Variants in AQP9 observed in about 807,000 individuals in gnomAD.
The protein encoded by AQP9 is aquaporin-9.
A neutral mutation model predicts 23.8 loss-of-function variants in AQP9; 19 were observed. The ratio of observed to expected loss-of-function variants is 0.80; its 90% confidence interval spans 0.56 to 1.17. The LOEUF (loss-of-function observed/expected upper bound fraction) is 1.17. Ranked by LOEUF, AQP9 falls within the 50% of genes most tolerant of loss-of-function variation. AQP9 has a pLI of 0.00. For missense variants in AQP9, 413 were observed against 362.0 expected (o/e 1.14, Z -1.14); for synonymous variants, 153 against 131.5 (o/e 1.16, Z -1.12).
intron 1 of AQP9, among the ~76,000 whole-genome samples, chr15:58,163,451 G>A (rs1898427358): frequency 6.6e-6 from 1 of 152,054 alleles, no homozygotes; most frequent in Admixed American, 6.6e-5. Flanking sequence ...CATCCACAAT[G>A]TTAATATGGA....
chr15:58,157,148 A>G (rs1898280946), intron 1 of AQP9, among the ~76,000 whole-genome samples: 1 of 152,198 alleles, frequency 6.6e-6, no homozygotes, highest in Non-Finnish European at 1.5e-5. Context: ...ATGACAAAAT[A>G]TCTACTTGAG....
intron 4 of AQP9, among the ~76,000 whole-genome samples, chr15:58,176,797 G>C (rs900773072): frequency 1.3e-5 from 2 of 151,926 alleles, no homozygotes. Flanking sequence ...TTTTAGTAGA[G>C]ACGGGGTTTC....
At position 58,179,119 on chromosome 15, in the gene AQP9, C is replaced by T. The variant is rs746173913; in HGVS notation, c.496-9C>T. On this transcript the variant is annotated splice_polypyrimidine_tract_variant and intron_variant, in intron 4 of 5. Coordinates refer to ENST00000219919, the MANE Select transcript of AQP9 (RefSeq NM_020980.5). Reference sequence around the variant, plus strand: ...GGCTAAAGCCCTGGCTCAACTTCTCCCTCTCCAGGTGGTGGCCACCATGAT... The same window carrying T: ...GGCTAAAGCCCTGGCTCAACTTCTCTCTCTCCAGGTGGTGGCCACCATGAT... The T allele has an allele frequency of 6.3e-7, 1 of 1,592,948 alleles. No homozygotes were observed. The highest frequency in any genetic ancestry group is 1.7e-5 in the Admixed American group (1 of 59,946).
At chr15:58,154,737 G>A (rs892680357) in intron 1 of AQP9, among the ~76,000 whole-genome samples, 6 of 151,786 alleles carry the variant, frequency 4.0e-5, no homozygotes, top group African/African-American at 1.2e-4. Context: ...TTAACCCCAC[G>A]AAAGTCCCAC....
chr15:58,177,659 A>G (rs1190252777), intron 4 of AQP9, among the ~76,000 whole-genome samples: 1 of 152,198 alleles, frequency 6.6e-6, no homozygotes, highest in Non-Finnish European at 1.5e-5. Flanking sequence ...GAGTTTTCTT[A>G]TCTATAAACT....
intron 2 of AQP9, among the ~76,000 whole-genome samples, chr15:58,168,149 C>T (rs1008447612): frequency 3.3e-5 from 5 of 152,064 alleles, no homozygotes; most frequent in African/African-American, 1.2e-4. Context: ...CCACCTCAGC[C>T]TTCCAAGTAG....
intron 3 of AQP9, among the ~76,000 whole-genome samples, chr15:58,173,931 A>G (rs1271477955): frequency 6.6e-6 from 1 of 152,132 alleles, no homozygotes; most frequent in Non-Finnish European, 1.5e-5. Flanking sequence ...ATACATTATG[A>G]CTTACCCAAA....
Position 58,143,368 on chromosome 15 carries a change from T to G in AQP9, c.111+4692T>G, listed in dbSNP as rs899537873. Among the ~76,000 whole-genome samples the G allele has an allele frequency of 6.6e-5, 10 of 152,182 alleles. 1 individual carries two copies. The South Asian group carries it at 2.1e-3, about 31-fold the overall frequency. On this transcript the variant is annotated intron_variant, in intron 1 of 5. Transcript: ENST00000219919. ...GGGCAAAGGAGGTTAACACTAAGCA[T>G]ACTCTATACCCCAGACACTTTGATC...
chr15:58,173,374 G>A (rs186191398), intron 3 of AQP9, among the ~76,000 whole-genome samples, 169 bp downstream of exon 3: 5 of 152,274 alleles, frequency 3.3e-5, no homozygotes, highest in Admixed American at 2.6e-4. Flanking sequence ...CAGCAAATTC[G>A]TGAATCCTGT....
chr15:58,164,471 A>G (rs1898455236), intron 1 of AQP9, among the ~76,000 whole-genome samples: 1 of 152,224 alleles, frequency 6.6e-6, no homozygotes, highest in Non-Finnish European at 1.5e-5. Context: ...TTGGATTTAC[A>G]TTAAAATGAA....
chr15:58,159,649 C>A (rs183032499), intron 1 of AQP9, among the ~76,000 whole-genome samples: 20 of 152,226 alleles, frequency 1.3e-4, no homozygotes, highest in African/African-American at 4.8e-4. Flanking sequence ...ATTAATCAAC[C>A]TTTCTTCTTT....
At chr15:58,144,561 A>G (rs1176795632) in intron 1 of AQP9, among the ~76,000 whole-genome samples, 1 of 152,112 alleles carries the variant, frequency 6.6e-6, no homozygotes, top group Non-Finnish European at 1.5e-5. Flanking sequence ...TACTTTTATT[A>G]CCAAGGTTAT....
intron 1 of AQP9, among the ~76,000 whole-genome samples, chr15:58,157,093 T>G (rs1898279264): frequency 6.6e-6 from 1 of 152,198 alleles, no homozygotes; most frequent in Non-Finnish European, 1.5e-5. Context: ...CCACAGATGC[T>G]CTTTTAATGC....
chr15:58,185,212 C>T lies in AQP9; in HGVS notation c.*1077C>T, dbSNP rs1469116077. On this transcript the variant is annotated 3_prime_UTR_variant, in exon 6 of 6. Transcript: ENST00000219919. ...CATTTTTCAGATAAAGAAACAAAATCTTAGGGAAGATAAGTTGAGTTGTCC... is the reference window on the plus strand; with the variant it reads ...CATTTTTCAGATAAAGAAACAAAATTTTAGGGAAGATAAGTTGAGTTGTCC... 2 of 152,670 alleles carry T rather than the reference C, an allele frequency of 1.3e-5. No homozygotes were observed. The highest frequency in any genetic ancestry group is 2.9e-5 in the Non-Finnish European group (2 of 68,016). The allele number at this position is 152,670 out of a possible 1,614,324, so 9.5% of individuals were successfully genotyped here. A position where few individuals can be genotyped will look rare whatever the true frequency, so the allele number is the denominator to read the frequency against.
intron 1 of AQP9, chr15:58,146,763 C>T (rs1247952224): frequency 6.6e-6 from 1 of 152,244 alleles, no homozygotes; most frequent in Non-Finnish European, 1.5e-5. Context: ...CCAGGTATAC[C>T]GCCAGCCAGA....
Position 58,138,711 on chromosome 15 carries a change from A to G in AQP9, c.111+35A>G, listed in dbSNP as rs201270926. The G allele has an allele frequency of 1.2e-3, 1,938 of 1,572,622 alleles. 32 individuals carry two copies. Among genetic ancestry groups the G allele is most frequent in the Middle Eastern group, 8.4e-4 (5 of 5,972 alleles). On this transcript the variant is annotated intron_variant, in intron 1 of 5. Transcript: ENST00000219919. ...TCCTGATTTCCTACATTCAGACCCA[A>G]TAATGCCTCCCTAGCTGCCAGGCTG...
intron 1 of AQP9, among the ~76,000 whole-genome samples, chr15:58,141,356 AGGGCTGGACTTTT>A (rs1175910964): frequency 6.6e-6 from 1 of 152,216 alleles, no homozygotes; most frequent in East Asian, 1.9e-4. Context: ...ACAGCTTTCC[AGGGCTGGACTTTT>A]GAGTAGATAA....
intron 1 of AQP9, among the ~76,000 whole-genome samples, chr15:58,147,080 T>A (rs1898060230): frequency 6.6e-6 from 1 of 152,184 alleles, no homozygotes; most frequent in South Asian, 2.1e-4. Flanking sequence ...CCGTTCTGGA[T>A]CACTGATCTA....
intron 2 of AQP9, among the ~76,000 whole-genome samples, chr15:58,169,543 T>C (rs145301497): frequency 1.3e-5 from 2 of 152,300 alleles, no homozygotes; most frequent in East Asian, 3.9e-4. Flanking sequence ...GCAGCTAACA[T>C]ACTGGTTTGT....
Sources: allele counts gnomAD v4.1 joint callset (sites outside exome capture counted in the v4.1 genomes callset), GRCh38; gene constraint gnomAD v4.1.1; transcripts MANE v1.5; gene names NCBI Gene and HGNC (gene_info 2026-07-23, HGNC 2026-07-21).